COL18A1: variants seen among roughly 807,000 people sequenced by gnomAD.
COL18A1 encodes the protein collagen type XVIII alpha 1 chain.
In COL18A1, 133 loss-of-function variants were observed where a neutral mutation model predicts 168.0. That is an observed-to-expected ratio of 0.79 (90% CI 0.69 to 0.91). The LOEUF is 0.91. Among genes scored for constraint, COL18A1 ranks in the 40% least tolerant of loss-of-function variants. The pLI, the probability that COL18A1 is intolerant of heterozygous loss-of-function variation, is 0.00. For synonymous variants in COL18A1, 949 were observed against 809.0 expected (o/e 1.17, Z -2.94); for missense variants, 2,126 against 1,925.4 (o/e 1.10, Z -1.95).
intron 41 of COL18A1, 64 bp downstream of exon 41, chr21:45,511,290 C>A: frequency 1.2e-6 from 1 of 840,072 alleles, no homozygotes; most frequent in Non-Finnish European, 2.0e-6. Flanking sequence ...GGCGGGCGGG[C>A]TCCTATCTGC....
chr21:45,480,726 C>T lies in COL18A1; in HGVS notation c.1479C>T (p.Pro493=), dbSNP rs764960163. The T allele has an allele frequency of 2.5e-6, 4 of 1,610,502 alleles. No homozygotes were observed. The highest frequency in any genetic ancestry group is 2.2e-5 in the East Asian group (1 of 44,878). ...GTCCTCGAGGCTTCCCTGGACCTCC[C>T]GGACCCCCCGGTGTCCCAGGCCTGC... The part of the protein sequence containing the change: ...LRGPRGFPGP[P]GPPGVPGLPG... Residue 493 remains proline (P), a synonymous_variant, in exon 13 of 42, where the codon CCC becomes CCT. Coordinates refer to ENST00000651438, the MANE Select transcript of COL18A1 (RefSeq NM_001379500.1).
intron 2 of COL18A1, among the ~76,000 whole-genome samples, chr21:45,442,388 A>G (rs562576712): frequency 1.3e-5 from 2 of 152,160 alleles, no homozygotes; most frequent in East Asian, 3.9e-4. Context: ...CTGGCTGCAC[A>G]TCACCCATGT....
intron 2 of COL18A1, among the ~76,000 whole-genome samples, chr21:45,448,779 T>G (rs934671362): frequency 6.6e-6 from 1 of 152,260 alleles, no homozygotes; most frequent in Non-Finnish European, 1.5e-5. Context: ...GCGTATCTTT[T>G]GGGCAGTCCC....
chr21:45,424,973 G>A (rs1602354186), intron 2 of COL18A1: 1 of 152,258 alleles, frequency 6.6e-6, no homozygotes, highest in Non-Finnish European at 1.5e-5. Flanking sequence ...CCAGGCGCGG[G>A]TTCCAGAACT....
At chr21:45,480,275 C>T in intron 11 of COL18A1, 119 bp downstream of exon 11, 1 of 1,186,612 alleles carries the variant, frequency 8.4e-7, no homozygotes, top group Non-Finnish European at 1.2e-6. Context: ...CTTGGCTGAG[C>T]TGAGGGGTCA....
At chr21:45,408,201 C>T (rs2033175773) in intron 2 of COL18A1, 1 of 152,286 alleles carries the variant, frequency 6.6e-6, no homozygotes, top group African/African-American at 2.4e-5. Flanking sequence ...GGGGCCAGTC[C>T]AGGAGAGCCC....
intron 2 of COL18A1, among the ~76,000 whole-genome samples, chr21:45,435,244 G>A (rs1295000319): frequency 1.6e-5 from 2 of 126,664 alleles, no homozygotes; most frequent in African/African-American, 5.9e-5. Flanking sequence ...GGGTGGGGGC[G>A]GGAGGAGAGA....
Position 45,425,259 on chromosome 21 carries a change from C to G in COL18A1, c.106+19786C>G, listed in dbSNP as rs1008692956. On this transcript the variant is annotated intron_variant, in intron 2 of 41. Coordinates refer to ENST00000651438, the MANE Select transcript of COL18A1 (RefSeq NM_001379500.1). This position sits in a 1 kb window ranked among gnomAD's most constrained non-coding sequence, Gnocchi z 4.1. ...CCGCGTCCGCCCGTCTCCCCGGACA[C>G]GCCTGTTGGAGCCCCGGCCGTGTGT... Among the ~76,000 whole-genome samples, 5 of 152,134 alleles carry G rather than the reference C, an allele frequency of 3.3e-5. No homozygotes were observed.
chr21:45,494,268 C>CCCCCCCCCCT, intron 26 of COL18A1: 1 of 525,604 alleles, frequency 1.9e-6, no homozygotes, highest in South Asian at 2.0e-5. Context: ...ACCCTCCACC[C>CCCCCCCCCCT]CTGCTTCAGG....
chr21:45,511,082 C>CAA (rs757347047), intron 40 of COL18A1, 29 bp from the exon 41 acceptor site: 56 of 1,091,478 alleles, frequency 5.1e-5, no homozygotes, highest in Non-Finnish European at 6.8e-5. Flanking sequence ...CCACACACCA[C>CAA]ACACACATAC....
rs2036586901 is a variant in COL18A1, at chr21:45,497,609, C to T, written c.2631C>T (p.Gly877=). 6.4e-7 allele frequency: 1 copy of T among 1,563,624 alleles called. No homozygotes were observed. The part of the protein sequence containing the change: ...PGPPGLPGNQ[G]PPGPKGAKGE... ...TCTCTCTTCCTCCAGGGAATCAGGG[C>T]CCTCCAGGACCCAAGGGCGCCAAAG... Residue 877 remains glycine (G), a synonymous_variant, in exon 32 of 42, where the codon GGC becomes GGT. Coordinates refer to ENST00000651438, the MANE Select transcript of COL18A1 (RefSeq NM_001379500.1).
rs905910507 is a variant in COL18A1, at chr21:45,494,982, C to T, written c.2433+67C>T. On this transcript the variant is annotated intron_variant, in intron 28 of 41. Transcript: ENST00000651438. ...TGGCAGGTGGGGAGCAGCCCAGGCC[C>T]ACGGGGGTGACATGCCCAGAGGGGA... 1.3e-5 allele frequency: 18 copies of T among 1,402,002 alleles called. No individual in the cohort carries two copies. The Middle Eastern group carries it at 6.2e-4, about 49-fold the overall frequency. The allele number at this position is 1,402,002 out of a possible 1,614,324, so 86.8% of individuals were successfully genotyped here.
At chr21:45,486,820 G>C (rs1406398658) in intron 15 of COL18A1, 41 bp from the exon 16 acceptor site, 1 of 1,525,592 alleles carries the variant, frequency 6.6e-7, no homozygotes, top group African/African-American at 1.4e-5. Flanking sequence ...GGCCAGCGGG[G>C]GCTGGGCTGG....
At chr21:45,462,885 G>A (rs879651495) in intron 2 of COL18A1, among the ~76,000 whole-genome samples, 13 of 152,094 alleles carry the variant, frequency 8.5e-5, no homozygotes, top group South Asian at 2.1e-4. Context: ...CTTCACCAGC[G>A]TTCGCTTTTT....
chr21:45,487,362 C>G, intron 16 of COL18A1, 85 bp from the exon 17 acceptor site: 1 of 1,502,650 alleles, frequency 6.7e-7, no homozygotes, highest in Non-Finnish European at 9.2e-7. Context: ...ATGTCCCACC[C>G]TCCTCTCGGG....
rs188871981 is a variant in COL18A1 at position 45,426,135 on chromosome 21, C to T, written c.106+20662C>T. Among the ~76,000 whole-genome samples the T allele has an allele frequency of 3.6e-3, 554 of 152,200 alleles. 2 individuals are homozygous for T. The highest frequency in any genetic ancestry group is 7.3e-3 in the Admixed American group (112 of 15,296). On this transcript the variant is annotated intron_variant, in intron 2 of 41. Coordinates refer to ENST00000651438, the MANE Select transcript of COL18A1 (RefSeq NM_001379500.1). Reference sequence around the variant, plus strand: ...TTTTTCTTTTTTTGAGACAGAGTCTCGCTCTGTCGCCCAGGGTGGACTGCA... The same window carrying T: ...TTTTTCTTTTTTTGAGACAGAGTCTTGCTCTGTCGCCCAGGGTGGACTGCA...
At position 45,476,609 on chromosome 21, in the gene COL18A1, T is replaced by C. The variant is rs2035665808; in HGVS notation, c.928+129T>C. 4 of 1,181,092 alleles carry C rather than the reference T, an allele frequency of 3.4e-6. No homozygotes were observed. In the South Asian group the frequency reaches 5.3e-5, roughly 16 times the overall value. 73.2% of individuals were successfully genotyped at this position (1,181,092 alleles called of 1,614,324 possible). A position where few individuals can be genotyped will look rare whatever the true frequency, so the allele number is the denominator to read the frequency against. On this transcript the variant is annotated intron_variant, in intron 6 of 41. Transcript: ENST00000651438. ...TAGTGTGTGGTGTATATGGTACATG[T>C]GTGTGTGATATGGCACGTGTTTGTG... is the stretch of plus-strand genomic sequence containing the variant.
intron 37 of COL18A1, chr21:45,506,958 T>TC: frequency 7.6e-6 from 2 of 264,342 alleles, no homozygotes; most frequent in Non-Finnish European, 1.5e-5. Flanking sequence ...GCCCACTGTG[T>TC]GCCAGGTGTG....
At chr21:45,449,647 ACTCC>A (rs1391068197) in intron 2 of COL18A1, among the ~76,000 whole-genome samples, 1 of 151,646 alleles carries the variant, frequency 6.6e-6, no homozygotes, top group Non-Finnish European at 1.5e-5. Flanking sequence ...GTGTGGCCAC[ACTCC>A]CTCTGCTACC....
Sources: allele counts gnomAD v4.1 joint callset (sites outside exome capture counted in the v4.1 genomes callset), GRCh38; gene constraint gnomAD v4.1.1; non-coding constraint Gnocchi (gnomAD v3.1); transcripts MANE v1.5; gene names NCBI Gene and HGNC (gene_info 2026-07-23, HGNC 2026-07-21).